FCHSD2: variants seen among roughly 807,000 people sequenced by gnomAD.
The protein encoded by FCHSD2 is F-BAR and double SH3 domains protein 2.
A neutral mutation model predicts 108.1 loss-of-function variants in FCHSD2; 38 were observed. The observed-to-expected ratio is 0.35, with a 90% CI of 0.27 to 0.46. The LOEUF is 0.46. Among genes scored for constraint, FCHSD2 ranks in the 20% least tolerant of loss-of-function variants. The probability of loss-of-function intolerance (pLI) is 1.00; values close to 1 mark genes in which losing one functional copy is unlikely to be tolerated. For synonymous variants in FCHSD2, 279 were observed against 314.7 expected (o/e 0.89, Z 1.20); for missense variants, 751 against 897.8 (o/e 0.84, Z 2.09).
Position 72,889,904 on chromosome 11 carries a change from G to C in FCHSD2, c.966C>G (p.His322Gln), listed in dbSNP as rs1429337757. Residue 322 changes from histidine (H) to glutamine (Q), a missense_variant, in exon 11 of 20, where the codon CAC becomes CAG. His to Gln is a conservative substitution (Grantham distance 24). Coordinates refer to ENST00000409418, the MANE Select transcript of FCHSD2 (RefSeq NM_014824.3). ...ATTTTCGAGCTTCCTTATTTAGACT[G>C]TGCTCCTCTGTGGTCCCAGTTTCTG... ...LESETGTTEE[H>Q]SLNKEARKWA... 2 of 1,613,254 alleles carry C rather than the reference G, an allele frequency of 1.2e-6. No homozygotes were observed. The highest frequency in any genetic ancestry group is 2.7e-5 in the African/African-American group (2 of 74,882).
chr11:73,120,486 T>A (rs1303953254), intron 2 of FCHSD2, among the ~76,000 whole-genome samples: 1 of 152,144 alleles, frequency 6.6e-6, no homozygotes, highest in Non-Finnish European at 1.5e-5. Context: ...TCCTGGCACT[T>A]TGGGAAACCA....
chr11:73,067,925 G>A (rs1859335218), intron 3 of FCHSD2, among the ~76,000 whole-genome samples: 1 of 152,154 alleles, frequency 6.6e-6, no homozygotes, highest in Non-Finnish European at 1.5e-5. Context: ...ATAGTTCCAT[G>A]TGGCTTGGGA....
intron 8 of FCHSD2, among the ~76,000 whole-genome samples, chr11:72,956,205 TATAA>T (rs1307318346): frequency 1.3e-5 from 2 of 152,132 alleles, no homozygotes; most frequent in African/African-American, 2.4e-5. Context: ...GACATAATGA[TATAA>T]ATAAATAAAC....
At chr11:73,090,495 G>A (rs1267259128) in intron 2 of FCHSD2, among the ~76,000 whole-genome samples, 1 of 152,114 alleles carries the variant, frequency 6.6e-6, no homozygotes, top group Non-Finnish European at 1.5e-5. Flanking sequence ...AAAGTGCTGG[G>A]ATTACAGGCG....
At chr11:72,945,519 C>G (rs1856502252) in intron 8 of FCHSD2, among the ~76,000 whole-genome samples, 1 of 152,154 alleles carries the variant, frequency 6.6e-6, no homozygotes, top group South Asian at 2.1e-4. Context: ...ACACCAAAAG[C>G]AATGGCAACA....
At chr11:72,852,823 AATG>A (rs1290718661) in intron 13 of FCHSD2, among the ~76,000 whole-genome samples, 4 of 152,222 alleles carry the variant, frequency 2.6e-5, no homozygotes, top group African/African-American at 9.6e-5. Context: ...CACAAAAAAG[AATG>A]ATGTCTTCTG....
rs753766433 is a variant in FCHSD2, at chr11:72,849,864, T to C, written c.1334A>G (p.Glu445Gly). ...HSLNADTERE[E>G]GEEFEDNMDV... ...CATGTTATCTTCAAACTCTTCGCCT[T>C]CTTCTCTTTCGGTATCTGCATTAAG... Residue 445 changes from glutamate to glycine, a missense_variant, in exon 14 of 20, where the codon GAA (glutamate) becomes GGA (glycine). Physicochemically the swap from Glu to Gly is moderately conservative, Grantham distance 98. Transcript: ENST00000409418. 2.2e-5 allele frequency: 35 copies of C among 1,613,498 alleles called. No homozygotes were observed. The highest frequency in any genetic ancestry group is 3.3e-5 in the Admixed American group (2 of 59,978).
intron 13 of FCHSD2, among the ~76,000 whole-genome samples, chr11:72,865,156 C>T (rs931741699): frequency 5.3e-5 from 8 of 152,252 alleles, no homozygotes; most frequent in South Asian, 4.1e-4. Flanking sequence ...TTCCAGATGA[C>T]GAATGCTTTT....
rs1433004506 is a variant in FCHSD2, at chr11:72,837,366, G to A, written c.*1425C>T. 6.6e-6 allele frequency: 1 copy of A among 152,046 alleles called. No individual in the cohort carries two copies. Among genetic ancestry groups the A allele is most frequent in the Non-Finnish European group, 1.5e-5 (1 of 67,950 alleles). The allele number at this position is 152,046 out of a possible 1,614,324, so 9.4% of individuals were successfully genotyped here. ...CAAAAATCCCATGGGGACATTTGGCGAGCATTTCAAGTTTTTTAAGATTCT... is the reference window on the plus strand; with the variant it reads ...CAAAAATCCCATGGGGACATTTGGCAAGCATTTCAAGTTTTTTAAGATTCT... On this transcript the variant is annotated 3_prime_UTR_variant, in exon 20 of 20. Transcript: ENST00000409418.
intron 9 of FCHSD2, among the ~76,000 whole-genome samples, chr11:72,913,321 T>G (rs1855801796): frequency 6.6e-6 from 1 of 152,172 alleles, no homozygotes; most frequent in South Asian, 2.1e-4. Flanking sequence ...CAGGATGAAG[T>G]GCAGCAGTGC....
At chr11:72,901,480 T>C (rs1678422528) in intron 10 of FCHSD2, among the ~76,000 whole-genome samples, 1 of 151,798 alleles carries the variant, frequency 6.6e-6, no homozygotes, top group Non-Finnish European at 1.5e-5. Context: ...AGAAAGTAGA[T>C]TAATGATGTC....
chr11:72,952,359 CTG>C (rs1337388324), intron 8 of FCHSD2, among the ~76,000 whole-genome samples: 1 of 151,512 alleles, frequency 6.6e-6, no homozygotes, highest in African/African-American at 2.4e-5. Flanking sequence ...GGGTCTCACT[CTG>C]TGACCTAGTG....
In FCHSD2 at chr11:72,838,731, G is replaced by C. The variant is rs75911233; in HGVS notation, c.*60C>G. On this transcript the variant is annotated 3_prime_UTR_variant, in exon 20 of 20. Transcript: ENST00000409418. ...TCATGCAAAGGTGCCTAAAAAACAAGACTGGCCAAACTCCAAGCCTGGCCT... is the reference window on the plus strand; with the variant it reads ...TCATGCAAAGGTGCCTAAAAAACAACACTGGCCAAACTCCAAGCCTGGCCT... 2.4e-3 allele frequency: 3,441 copies of C among 1,424,638 alleles called. 57 individuals carry two copies. In the African/African-American group the frequency reaches 0.044, roughly 18 times the overall value. 88.2% of individuals were successfully genotyped at this position (1,424,638 alleles called of 1,614,324 possible).
intron 4 of FCHSD2, among the ~76,000 whole-genome samples, chr11:73,010,185 T>C (rs901237794): frequency 1.3e-5 from 2 of 152,216 alleles, no homozygotes; most frequent in Admixed American, 6.5e-5. Context: ...TAGTCTATTG[T>C]TGAAGCTTTC....
At chr11:72,932,555 C>G (rs748528598) in intron 8 of FCHSD2, among the ~76,000 whole-genome samples, 1 of 152,162 alleles carries the variant, frequency 6.6e-6, no homozygotes, top group African/African-American at 2.4e-5. Context: ...TGCCTCTGAG[C>G]TTTCACACAG....
chr11:72,864,416 G>C (rs1854677842), intron 13 of FCHSD2, among the ~76,000 whole-genome samples: 1 of 152,064 alleles, frequency 6.6e-6, no homozygotes, highest in African/African-American at 2.4e-5. Context: ...ATGGGGGCAT[G>C]AGCCTGTAGT....
chr11:72,951,931 C>T (rs929438428), intron 8 of FCHSD2, among the ~76,000 whole-genome samples: 4 of 152,188 alleles, frequency 2.6e-5, no homozygotes, highest in African/African-American at 9.7e-5. Flanking sequence ...AATACTGTAA[C>T]AGCTATACTC....
At chr11:72,933,307 C>G (rs1393954987) in intron 8 of FCHSD2, among the ~76,000 whole-genome samples, 1 of 152,114 alleles carries the variant, frequency 6.6e-6, no homozygotes, top group Admixed American at 6.6e-5. Flanking sequence ...TCCTACCAAG[C>G]AGATAGTGCC....
intron 3 of FCHSD2, among the ~76,000 whole-genome samples, chr11:73,072,794 G>A (rs572617267): frequency 9.2e-5 from 14 of 152,086 alleles, no homozygotes; most frequent in Non-Finnish European, 2.1e-4. Context: ...AAGTTTCTAT[G>A]CAGATGAAAT....
Sources: gnomAD v4.1 joint callset for allele counts (sites outside exome capture counted in the v4.1 genomes callset) on GRCh38, gnomAD v4.1.1 for gene constraint, MANE v1.5 for transcripts, NCBI Gene and HGNC (gene_info 2026-07-23, HGNC 2026-07-21) for gene names.